The following MGAT4C variants were observed in gnomAD, a reference collection of about 807,000 sequenced individuals.
The protein encoded by MGAT4C is MGAT4 family member C.
In MGAT4C, 19 loss-of-function variants were observed where a neutral mutation model predicts 40.1. The ratio of observed to expected loss-of-function variants is 0.47; its 90% confidence interval spans 0.33 to 0.70. The LOEUF (loss-of-function observed/expected upper bound fraction) is 0.70, where lower values mean the gene tolerates loss of function less well. Ranked by LOEUF, MGAT4C falls within the 30% of genes least tolerant of loss-of-function variation. The probability of loss-of-function intolerance (pLI) is 0.02; values close to 1 mark genes in which losing one functional copy is unlikely to be tolerated. For synonymous variants in MGAT4C, 181 were observed against 187.1 expected (o/e 0.97, Z 0.27); for missense variants, 491 against 563.2 (o/e 0.87, Z 1.30).
chr12:86,700,209 A>G lies in MGAT4C; in HGVS notation c.-229+27000T>C, dbSNP rs976555677. Among the ~76,000 whole-genome samples the G allele has an allele frequency of 3.3e-5, 5 of 150,614 alleles. No individual in the cohort carries two copies. In the South Asian group the frequency reaches 6.3e-4, roughly 19 times the overall value. On this transcript the variant is annotated intron_variant, in intron 2 of 7. Coordinates refer to the MGAT4C transcript ENST00000548651. ...GATAGATAGATAGATAGATAGATAG[A>G]TAGATTAGGCTTTAGCATAAACTGA...
chr12:86,361,272 T>C (rs1477999340), intron 3 of MGAT4C, among the ~76,000 whole-genome samples: 15 of 152,204 alleles, frequency 9.9e-5, no homozygotes, highest in Non-Finnish European at 1.8e-4. Flanking sequence ...CTGGGAATAC[T>C]GGCTAGCCAT....
At chr12:86,158,881 C>G (rs73380873) in intron 1 of MGAT4C, among the ~76,000 whole-genome samples, 47 of 152,196 alleles carry the variant, frequency 3.1e-4, no homozygotes, top group African/African-American at 1.1e-3. Flanking sequence ...TTTTGTACCC[C>G]TATTTTGTAT....
At chr12:86,564,947 T>G (rs751304108) in intron 2 of MGAT4C, among the ~76,000 whole-genome samples, 1 of 152,154 alleles carries the variant, frequency 6.6e-6, no homozygotes, top group South Asian at 2.1e-4. Flanking sequence ...GGATGCTGTT[T>G]GTAGCCTTTG....
chr12:86,767,441 G>A (rs1170392292), intron 1 of MGAT4C, among the ~76,000 whole-genome samples: 1 of 152,120 alleles, frequency 6.6e-6, no homozygotes, highest in East Asian at 1.9e-4. Flanking sequence ...AGAGGTACAA[G>A]GAGGAACTGG....
intron 1 of MGAT4C, among the ~76,000 whole-genome samples, chr12:86,146,326 G>A (rs181398112): frequency 5.9e-5 from 9 of 152,180 alleles, no homozygotes; most frequent in Middle Eastern, 3.4e-3. Flanking sequence ...ATGTCCCATC[G>A]TGTTTTCACT....
intron 1 of MGAT4C, among the ~76,000 whole-genome samples, chr12:86,831,220 C>A (rs543354350): frequency 2.0e-5 from 3 of 151,782 alleles, no homozygotes; most frequent in South Asian, 2.1e-4. Flanking sequence ...CAACCTTGAA[C>A]CCACAATGAT....
chr12:86,066,728 AGAGT>A (rs1894580878), intron 1 of MGAT4C, among the ~76,000 whole-genome samples: 2 of 152,216 alleles, frequency 1.3e-5, no homozygotes, highest in Non-Finnish European at 2.9e-5. Context: ...ATTAAACGAA[AGAGT>A]TTCTGCACAG....
At chr12:86,678,475 A>T (rs1410536704) in intron 2 of MGAT4C, among the ~76,000 whole-genome samples, 1 of 151,376 alleles carries the variant, frequency 6.6e-6, no homozygotes, top group East Asian at 1.9e-4. Flanking sequence ...CATGTGCACA[A>T]TGTGCAGGTT....
intron 3 of MGAT4C, among the ~76,000 whole-genome samples, chr12:86,350,253 C>T (rs571456285): frequency 5.3e-5 from 8 of 152,220 alleles, no homozygotes; most frequent in Middle Eastern, 3.4e-3. Flanking sequence ...TGGTCACCCT[C>T]TCTTGCTGCC....
intron 2 of MGAT4C, among the ~76,000 whole-genome samples, chr12:86,713,063 G>A (rs75264422): frequency 0.031 from 4,732 of 150,640 alleles, 117 homozygotes; most frequent in African/African-American, 0.074. Flanking sequence ...TAATCGTTAT[G>A]GAATTGTTCC....
intron 2 of MGAT4C, among the ~76,000 whole-genome samples, chr12:86,692,516 G>T (rs1024859497): frequency 6.6e-6 from 1 of 152,096 alleles, no homozygotes; most frequent in Non-Finnish European, 1.5e-5. Flanking sequence ...TCTCCAATTT[G>T]TTTAAAATTC....
intron 2 of MGAT4C, among the ~76,000 whole-genome samples, chr12:85,991,109 C>T (rs1403679183): frequency 6.6e-6 from 1 of 152,074 alleles, no homozygotes; most frequent in Non-Finnish European, 1.5e-5. Context: ...CAGACAAGAC[C>T]CACAGTGGGT....
At chr12:86,730,105 C>A (rs1008569189) in intron 1 of MGAT4C, among the ~76,000 whole-genome samples, 1 of 151,842 alleles carries the variant, frequency 6.6e-6, no homozygotes, top group African/African-American at 2.4e-5. Context: ...TCGTAGGAGC[C>A]AAATAGCCCC....
chr12:86,372,162 T>C (rs1283319174), intron 3 of MGAT4C, among the ~76,000 whole-genome samples: 1 of 151,984 alleles, frequency 6.6e-6, no homozygotes, highest in African/African-American at 2.4e-5. Flanking sequence ...AACCATTTAT[T>C]TGAATTCAGA....
At chr12:86,063,633 G>A (rs541569750) in intron 1 of MGAT4C, among the ~76,000 whole-genome samples, 14 of 151,228 alleles carry the variant, frequency 9.3e-5, no homozygotes, top group African/African-American at 2.5e-4. Context: ...AAGATCCATC[G>A]GTGTGCTGTA....
intron 2 of MGAT4C, among the ~76,000 whole-genome samples, chr12:86,043,887 G>A (rs1892132060): frequency 6.6e-6 from 1 of 152,180 alleles, no homozygotes; most frequent in Non-Finnish European, 1.5e-5. Flanking sequence ...AGCCATTTCA[G>A]CCTTGTTAAG....
At chr12:86,308,180 A>G (rs1953986805) in intron 4 of MGAT4C, among the ~76,000 whole-genome samples, 3 of 150,744 alleles carry the variant, frequency 2.0e-5, no homozygotes, top group Admixed American at 2.0e-4. Flanking sequence ...ACAGACATGT[A>G]TAATGTATAT....
chr12:86,350,873 A>G (rs1955142671), intron 3 of MGAT4C, among the ~76,000 whole-genome samples: 1 of 152,066 alleles, frequency 6.6e-6, no homozygotes, highest in Non-Finnish European at 1.5e-5. Context: ...AAATTGACAC[A>G]ATCTCTTTCT....
chr12:86,809,102 A>G (rs760678610), intron 1 of MGAT4C, among the ~76,000 whole-genome samples: 4 of 152,154 alleles, frequency 2.6e-5, no homozygotes, highest in Non-Finnish European at 4.4e-5. Context: ...TTCAAAGAGA[A>G]CTACAAACCA....
Sources: allele counts gnomAD v4.1 joint callset (sites outside exome capture counted in the v4.1 genomes callset), GRCh38; gene constraint gnomAD v4.1.1; transcripts MANE v1.5; gene names NCBI Gene and HGNC (gene_info 2026-07-23, HGNC 2026-07-21).